Variants in SLC7A8 observed in about 807,000 individuals in gnomAD.
SLC7A8 encodes the protein solute carrier family 7 member 8, also known as large neutral amino acids transporter small subunit 2.
In SLC7A8, 30 loss-of-function variants were observed where a neutral mutation model predicts 51.2. The observed-to-expected ratio is 0.59, with a 90% CI of 0.44 to 0.80. The LOEUF (loss-of-function observed/expected upper bound fraction) is 0.80. SLC7A8 is among the 30% of genes least tolerant of loss of function. SLC7A8 has a pLI of 0.00. For missense variants in SLC7A8, 612 were observed against 674.4 expected (o/e 0.91, Z 1.03); for synonymous variants, 257 against 275.8 (o/e 0.93, Z 0.67).
At chr14:23,147,223 A>G (rs1343437702) in intron 3 of SLC7A8, among the ~76,000 whole-genome samples, 1 of 151,748 alleles carries the variant, frequency 6.6e-6, no homozygotes, top group Non-Finnish European at 1.5e-5. Flanking sequence ...TCATCTATCC[A>G]TCCATCCATC....
At chr14:23,158,644 G>C (rs939317346) in intron 3 of SLC7A8, among the ~76,000 whole-genome samples, 4 of 152,158 alleles carry the variant, frequency 2.6e-5, no homozygotes, top group Admixed American at 2.0e-4. Flanking sequence ...GCGCCCGGCC[G>C]ACATAGAACA....
chr14:23,138,143 C>G, intron 6 of SLC7A8, 119 bp from the exon 7 acceptor site: 1 of 1,282,818 alleles, frequency 7.8e-7, no homozygotes, highest in Non-Finnish European at 1.1e-6. Context: ...TCTCTCTCGC[C>G]AAGCTTCTTA....
chr14:23,144,233 C>G (rs1347395568), intron 3 of SLC7A8, among the ~76,000 whole-genome samples: 1 of 152,100 alleles, frequency 6.6e-6, no homozygotes, highest in Non-Finnish European at 1.5e-5. Flanking sequence ...TAAGAAACTG[C>G]CAAACTGTCT....
rs1214348384 is a variant in SLC7A8 at position 23,126,091 on chromosome 14, G to C, written c.*1086C>G. 3.9e-5 allele frequency: 6 copies of C among 152,712 alleles called. No homozygotes were observed. The highest frequency in any genetic ancestry group is 8.8e-5 in the Non-Finnish European group (6 of 68,078). 9.5% of individuals were successfully genotyped at this position (152,712 alleles called of 1,614,324 possible). A position where few individuals can be genotyped will look rare whatever the true frequency, so the allele number is the denominator to read the frequency against. On this transcript the variant is annotated 3_prime_UTR_variant, in exon 11 of 11. Transcript: ENST00000316902. ...ATGGGCACCTCTAGGGAGGGGGAAA[G>C]CACCCTTCCTCCCAGGGAAGGCATT...
chr14:23,134,143 TAA>T (rs1323516331), intron 7 of SLC7A8, among the ~76,000 whole-genome samples: 2 of 128,506 alleles, frequency 1.6e-5, no homozygotes, highest in East Asian at 4.2e-4. Context: ...GCCTATTTAT[TAA>T]AATGCTAACT....
chr14:23,131,798 G>A (rs1182444978), intron 7 of SLC7A8, among the ~76,000 whole-genome samples: 1 of 152,240 alleles, frequency 6.6e-6, no homozygotes, highest in Non-Finnish European at 1.5e-5. Flanking sequence ...GACCCTGAAT[G>A]TGGTATGGGT....
chr14:23,141,828 CT>C (rs1208326071), intron 4 of SLC7A8, among the ~76,000 whole-genome samples: 1 of 152,224 alleles, frequency 6.6e-6, no homozygotes, highest in East Asian at 1.9e-4. Context: ...CCCAGCCCCC[CT>C]AGCACAGTGT....
At chr14:23,129,248 T>C (rs1173323721) in intron 9 of SLC7A8, 2 of 169,630 alleles carry the variant, frequency 1.2e-5, no homozygotes, top group African/African-American at 4.8e-5. Flanking sequence ...GGTTAAAATG[T>C]AGATGGGCAG....
intron 3 of SLC7A8, among the ~76,000 whole-genome samples, chr14:23,153,072 G>A (rs2048861488): frequency 6.6e-6 from 1 of 152,170 alleles, no homozygotes; most frequent in African/African-American, 2.4e-5. Flanking sequence ...AGCCTCATGG[G>A]TGATCAGAAG....
chr14:23,168,538 G>A (rs941955221), intron 1 of SLC7A8, among the ~76,000 whole-genome samples: 1 of 152,198 alleles, frequency 6.6e-6, no homozygotes, highest in Non-Finnish European at 1.5e-5. Flanking sequence ...CAGCAATAAA[G>A]CTAGGGTTAT....
rs1566776897 is a variant in SLC7A8 at position 23,127,134 on chromosome 14, TA to T, written c.*42del. On this transcript the variant is annotated 3_prime_UTR_variant, in exon 11 of 11. Transcript: ENST00000316902. ...GCAGGACCAAGGCAGGGAGGTAGGATAAAAGGGGGAGGAAGGAGAGAGTAGC... is the reference window on the plus strand; with the variant it reads ...GCAGGACCAAGGCAGGGAGGTAGGATAAAGGGGGAGGAAGGAGAGAGTAGC... 1.9e-6 allele frequency: 3 copies of T among 1,609,890 alleles called. No individual in the cohort carries two copies. Among genetic ancestry groups the T allele is most frequent in the Non-Finnish European group, 2.5e-6 (3 of 1,177,088 alleles).
intron 3 of SLC7A8, chr14:23,155,163 T>C: frequency 1.3e-6 from 2 of 1,535,956 alleles, no homozygotes; most frequent in Non-Finnish European, 8.7e-7. Context: ...TCGAAGCACT[T>C]ACAACGTTTT....
At chr14:23,161,833 A>G (rs1488512664) in intron 3 of SLC7A8, among the ~76,000 whole-genome samples, 4 of 149,962 alleles carry the variant, frequency 2.7e-5, no homozygotes, top group Non-Finnish European at 5.9e-5. Context: ...AGGCTGAGGC[A>G]GGAGAATCGC....
chr14:23,155,535 A>G, intron 3 of SLC7A8: 1 of 1,300,792 alleles, frequency 7.7e-7, no homozygotes, highest in African/African-American at 1.5e-5. Context: ...TCTCTTCAGC[A>G]TGAGCTAAAC....
chr14:23,168,529 A>G (rs957536760), intron 1 of SLC7A8, among the ~76,000 whole-genome samples: 2 of 152,248 alleles, frequency 1.3e-5, no homozygotes, highest in East Asian at 3.8e-4. Context: ...CCAAGACTAC[A>G]GCAATAAAGC....
chr14:23,154,547 C>CGGCTT lies in SLC7A8; in HGVS notation c.508+10733_508+10737dup, dbSNP rs57555075. On this transcript the variant is annotated intron_variant, in intron 3 of 10. Transcript: ENST00000316902. The stretch of plus-strand genomic sequence containing the variant: ...GTTTCTAATTGTGGAAAAGCCGCTT[C>CGGCTT]GGCTTGGCCTGTCCAACCGCAGGCG... The CGGCTT allele has an allele frequency of 2.5e-3, 2,347 of 923,196 alleles. 54 individuals carry two copies. In the African/African-American group the frequency reaches 0.039, roughly 15 times the overall value. 57.2% of individuals were successfully genotyped at this position (923,196 alleles called of 1,614,324 possible).
At chr14:23,127,957 C>G in intron 10 of SLC7A8, 62 bp downstream of exon 10, 2 of 1,501,268 alleles carry the variant, frequency 1.3e-6, no homozygotes. Flanking sequence ...CCAACCCCAT[C>G]ACTGACCACT....
At chr14:23,129,501 C>T in intron 9 of SLC7A8, 149 bp downstream of exon 9, 1 of 842,262 alleles carries the variant, frequency 1.2e-6, no homozygotes, top group Non-Finnish European at 1.8e-6. Flanking sequence ...TGGTCCCATT[C>T]ACAAATGGCC....
chr14:23,140,228 A>G (rs2048729938), intron 5 of SLC7A8, among the ~76,000 whole-genome samples: 1 of 152,172 alleles, frequency 6.6e-6, no homozygotes, highest in African/African-American at 2.4e-5. Flanking sequence ...GTGTTACTGC[A>G]GGACAGTTTT....
Sources: allele counts gnomAD v4.1 joint callset (sites outside exome capture counted in the v4.1 genomes callset), GRCh38; gene constraint gnomAD v4.1.1; transcripts MANE v1.5; gene names NCBI Gene and HGNC (gene_info 2026-07-23, HGNC 2026-07-21).